Variants in METTL2B observed in about 807,000 individuals in gnomAD.
METTL2B encodes tRNA N(3)-cytidine methyltransferase METTL2B.
Under a neutral mutation model 51.0 loss-of-function variants are expected in METTL2B, and 28 were observed. The ratio of observed to expected loss-of-function variants is 0.55; its 90% CI spans 0.41 to 0.75. The LOEUF (loss-of-function observed/expected upper bound fraction) is 0.75. Among genes scored for constraint, METTL2B ranks in the 30% least tolerant of loss-of-function variants. The probability of loss-of-function intolerance (pLI) is 0.00; values close to 1 mark genes in which losing one functional copy is unlikely to be tolerated. For synonymous variants in METTL2B, 128 were observed against 166.3 expected, an observed-to-expected ratio of 0.77 and a Z score of 1.77; for missense variants, 313 against 460.7, an observed-to-expected ratio of 0.68 and a Z score of 2.93.
chr7:128,497,219 C>G (rs1388511804), intron 6 of METTL2B, among the ~76,000 whole-genome samples: 1 of 152,176 alleles, frequency 6.6e-6, no homozygotes, highest in Non-Finnish European at 1.5e-5. Flanking sequence ...AAGTGTAAAA[C>G]CCTCTGTCTG....
intron 5 of METTL2B, chr7:128,488,405 G>A (rs1792759412): frequency 4.6e-6 from 3 of 658,382 alleles, no homozygotes; most frequent in South Asian, 3.0e-5. Context: ...AAGCCTACCA[G>A]TGCCGTTTCT....
At chr7:128,484,871 G>A (rs1173536685) in intron 4 of METTL2B, among the ~76,000 whole-genome samples, 4 of 152,090 alleles carry the variant, frequency 2.6e-5, no homozygotes, top group East Asian at 3.9e-4. Context: ...GTGAGCCACC[G>A]CACCCGGCTG....
At position 128,488,073 on chromosome 7, in the gene METTL2B, A is replaced by G. The variant is rs368167895; in HGVS notation, c.609-28A>G. Reference sequence around the variant, plus strand: ...TAGACATAGCTCGATTTGTAGTCTCATTGTTTTGTCTTTTCTGCCCATTTC... The same window carrying G: ...TAGACATAGCTCGATTTGTAGTCTCGTTGTTTTGTCTTTTCTGCCCATTTC... On this transcript the variant is annotated intron_variant, in intron 4 of 8. Transcript: ENST00000262432. 5.1e-4 allele frequency: 542 copies of G among 1,060,556 alleles called. 2 individuals are homozygous for G. In the African/African-American group the frequency reaches 7.6e-3, roughly 15 times the overall value. The allele number at this position is 1,060,556 out of a possible 1,614,324, so 65.7% of individuals were successfully genotyped here. A position where few individuals can be genotyped will look rare whatever the true frequency, so the allele number is the denominator to read the frequency against.
chr7:128,488,300 G>A lies in METTL2B; in HGVS notation c.669+139G>A, dbSNP rs151281636. 691 of 998,044 alleles carry A rather than the reference G, an allele frequency of 6.9e-4. 4 individuals are homozygous for A. The African/African-American group carries it at 8.6e-3, about 12-fold the overall frequency. 61.8% of individuals were successfully genotyped at this position (998,044 alleles called of 1,614,324 possible). On this transcript the variant is annotated intron_variant, in intron 5 of 8. Coordinates refer to ENST00000262432, the MANE Select transcript of METTL2B (RefSeq NM_018396.3). ...TAAAAGTAAAAGATTTACTGATAAC[G>A]AGCATACCTTGTTTTATTGCAGTTC...
At chr7:128,478,325 A>C (rs989697992) in intron 2 of METTL2B, among the ~76,000 whole-genome samples, 35 of 148,932 alleles carry the variant, frequency 2.4e-4, no homozygotes, top group African/African-American at 8.7e-4. Context: ...ATCTCAGCTC[A>C]CTGCAATCTC....
intron 5 of METTL2B, 24 bp from the exon 6 acceptor site, chr7:128,493,780 C>T: frequency 6.3e-7 from 1 of 1,592,220 alleles, no homozygotes; most frequent in Non-Finnish European, 8.5e-7. Context: ...TTCTAACTTA[C>T]TTGTCTCTTC....
At position 128,489,730 on chromosome 7, in the gene METTL2B, G is replaced by T. The variant is rs112831715; in HGVS notation, c.669+1569G>T. ...TGCAAGCTCCGCCTCCCGGGTTCAC[G>T]CCATTCTCCTGCCTCAGCCTCCCAA... is the stretch of plus-strand genomic sequence containing the variant. On this transcript the variant is annotated intron_variant, in intron 5 of 8. Coordinates refer to ENST00000262432, the MANE Select transcript of METTL2B (RefSeq NM_018396.3). Among the ~76,000 whole-genome samples the T allele has an allele frequency of 1.1e-4, 16 of 144,442 alleles. No homozygotes were observed. In the East Asian group the frequency reaches 3.0e-3, roughly 27 times the overall value. 94.8% of individuals were successfully genotyped at this position (144,442 alleles called of 152,430 possible). A position where few individuals can be genotyped will look rare whatever the true frequency, so the allele number is the denominator to read the frequency against.
chr7:128,480,722 T>C (rs1190813348), intron 4 of METTL2B, 26 bp downstream of exon 4: 5 of 1,590,326 alleles, frequency 3.1e-6, no homozygotes, highest in Non-Finnish European at 3.4e-6. Flanking sequence ...AAGTTTATGA[T>C]AGCAAAGAAG....
Position 128,505,214 on chromosome 7 carries a change from G to A in METTL2B, c.*3298G>A, listed in dbSNP as rs1238759906. ...ACCTGGGAGGCGGAGGTTGCAGTGAGCCGAGATCGCACCATTGCACTCCAG... is the reference window on the plus strand; with the variant it reads ...ACCTGGGAGGCGGAGGTTGCAGTGAACCGAGATCGCACCATTGCACTCCAG... On this transcript the variant is annotated 3_prime_UTR_variant, in exon 9 of 9. Coordinates refer to ENST00000262432, the MANE Select transcript of METTL2B (RefSeq NM_018396.3). 6.6e-6 allele frequency: 1 copy of A among 152,238 alleles called. No individual in the cohort carries two copies. The highest frequency in any genetic ancestry group is 1.5e-5 in the Non-Finnish European group (1 of 68,184). The allele number at this position is 152,238 out of a possible 1,614,324, so 9.4% of individuals were successfully genotyped here.
chr7:128,485,433 A>T (rs1430888549), intron 4 of METTL2B, among the ~76,000 whole-genome samples: 3 of 151,936 alleles, frequency 2.0e-5, no homozygotes, highest in Non-Finnish European at 4.4e-5. Flanking sequence ...GGAGGCCGAG[A>T]CGGGCAGATC....
In METTL2B at chr7:128,477,152, C is replaced by T. The variant is rs1269384472; in HGVS notation, c.181C>T (p.Arg61Trp). 1.2e-6 allele frequency: 2 copies of T among 1,613,776 alleles called. No individual in the cohort carries two copies. The highest frequency in any genetic ancestry group is 1.3e-5 in the African/African-American group (1 of 75,006). Residue 61 changes from arginine (R) to tryptophan (W), a missense_variant, in exon 2 of 9, where the codon CGG becomes TGG. Physicochemically the swap from Arg to Trp is moderately radical, Grantham distance 101 (BLOSUM62 -3). Around this residue, in one of 4 missense-constraint regions of METTL2B, gnomAD observed 67 missense variants for 101.4 expected, o/e 0.66. Coordinates refer to ENST00000262432, the MANE Select transcript of METTL2B (RefSeq NM_018396.3). ...AAAAGTCCAGGAGAACAGTATCCAG[C>T]GGGTGTGCCAGGAGAAACAAGGTGC... ...ERKVQENSIQ[R>W]VCQEKQVDYE... is the part of the protein sequence containing the mutation.
At chr7:128,501,329 G>C (rs1391405445) in intron 8 of METTL2B, 70 of 985,304 alleles carry the variant, frequency 7.1e-5, no homozygotes, top group Non-Finnish European at 8.4e-5. Flanking sequence ...GGGTTCTAGG[G>C]GTGCCGGGAA....
intron 6 of METTL2B, among the ~76,000 whole-genome samples, chr7:128,494,966 G>A (rs1188534121): frequency 6.8e-6 from 1 of 146,124 alleles, no homozygotes; most frequent in Non-Finnish European, 1.5e-5. Context: ...CCCGGCTGGG[G>A]TGCAGTGATG....
chr7:128,486,982 G>A (rs1450941828), intron 4 of METTL2B, among the ~76,000 whole-genome samples: 1 of 152,232 alleles, frequency 6.6e-6, no homozygotes, highest in Non-Finnish European at 1.5e-5. Context: ...CATGGACCCT[G>A]CTTTCGGAGC....
rs1793120010 is a variant in METTL2B at position 128,506,290 on chromosome 7, CTG to C, written c.*4376_*4377del. On this transcript the variant is annotated 3_prime_UTR_variant, in exon 9 of 9. Coordinates refer to ENST00000262432, the MANE Select transcript of METTL2B (RefSeq NM_018396.3). The stretch of plus-strand genomic sequence containing the variant: ...ATTAATTTAAATGATTCTCTAAAGA[CTG>C]TCCTTCAGCATCCCTAAAGCATTGC... 6.6e-6 allele frequency: 1 copy of C among 152,204 alleles called. No individual in the cohort carries two copies. The allele number at this position is 152,204 out of a possible 1,614,324, so 9.4% of individuals were successfully genotyped here. A position where few individuals can be genotyped will look rare whatever the true frequency, so the allele number is the denominator to read the frequency against.
intron 8 of METTL2B, 135 bp from the exon 9 acceptor site, chr7:128,501,627 C>T (rs1793031493): frequency 6.7e-7 from 1 of 1,489,104 alleles, no homozygotes; most frequent in African/African-American, 1.4e-5. Context: ...CAAGCCACCA[C>T]TGCATTTATA....
At chr7:128,486,460 CATG>C (rs749776343) in intron 4 of METTL2B, among the ~76,000 whole-genome samples, 3 of 151,858 alleles carry the variant, frequency 2.0e-5, no homozygotes, top group Non-Finnish European at 4.4e-5. Flanking sequence ...ATTAACAAGG[CATG>C]GTGGTGGGCA....
chr7:128,495,618 A>G (rs570142526), intron 6 of METTL2B, among the ~76,000 whole-genome samples: 150 of 151,398 alleles, frequency 9.9e-4, no homozygotes, highest in African/African-American at 3.5e-3. Context: ...CCTGGCTAAT[A>G]TTTTTTGTAT....
chr7:128,498,735 A>G lies in METTL2B; in HGVS notation c.916+593A>G, dbSNP rs1350020125. 3.9e-5 allele frequency among the ~76,000 whole-genome samples: 6 copies of G among 152,352 alleles called. 1 individual carries two copies. The East Asian group carries it at 7.7e-4, about 20-fold the overall frequency. On this transcript the variant is annotated intron_variant, in intron 7 of 8. Transcript: ENST00000262432. ...GAAAGACAGCCGGGCGCAGTGGCTC[A>G]TGCCTGTAATTCCAACACTTTGGGA...
Sources: allele counts gnomAD v4.1 joint callset (sites outside exome capture counted in the v4.1 genomes callset), GRCh38; gene constraint gnomAD v4.1.1; regional missense constraint gnomAD v4.1.1; transcripts MANE v1.5; gene names NCBI Gene and HGNC (gene_info 2026-07-23, HGNC 2026-07-21).